Variants in TSHZ2 observed in about 807,000 individuals in gnomAD.
The protein encoded by TSHZ2 is teashirt homolog 2.
TSHZ2 carries 21 observed loss-of-function variants against 74.4 expected under a neutral mutation model. The ratio of observed to expected loss-of-function variants is 0.28; its 90% CI spans 0.20 to 0.41. The LOEUF (loss-of-function observed/expected upper bound fraction) is 0.41. Ranked by LOEUF, TSHZ2 falls within the 10% of genes least tolerant of loss-of-function variation. The pLI, the probability that TSHZ2 is intolerant of heterozygous loss-of-function variation, is 1.00. For synonymous variants in TSHZ2, 540 were observed against 515.3 expected (o/e 1.05, Z -0.65); for missense variants, 1,244 against 1,293.5 (o/e 0.96, Z 0.59).
chr20:53,116,377 G>A (rs979445209), intron 1 of TSHZ2, among the ~76,000 whole-genome samples: 3 of 152,142 alleles, frequency 2.0e-5, no homozygotes, highest in African/African-American at 4.8e-5. Context: ...TGTAAGAGAA[G>A]AATGTGATGG....
intron 1 of TSHZ2, among the ~76,000 whole-genome samples, chr20:53,220,111 A>T (rs139480167): frequency 6.6e-6 from 1 of 152,352 alleles, no homozygotes; most frequent in Non-Finnish European, 1.5e-5. Context: ...TTTCCTTACC[A>T]TGACCCTTCA....
chr20:53,093,637 T>TCCTC (rs1985953034), intron 1 of TSHZ2, among the ~76,000 whole-genome samples: 2 of 152,246 alleles, frequency 1.3e-5, no homozygotes, highest in Non-Finnish European at 2.9e-5. Context: ...TGTGTTTGCT[T>TCCTC]AGATGTTACT....
intron 1 of TSHZ2, among the ~76,000 whole-genome samples, chr20:53,250,488 T>C (rs1224410980): frequency 1.3e-5 from 2 of 152,170 alleles, no homozygotes; most frequent in Non-Finnish European, 2.9e-5. Flanking sequence ...AAAGGTGTTT[T>C]TTTAAAAAAA....
At chr20:53,099,786 A>G (rs1232220895) in intron 1 of TSHZ2, among the ~76,000 whole-genome samples, 1 of 152,208 alleles carries the variant, frequency 6.6e-6, no homozygotes, top group African/African-American at 2.4e-5. Context: ...AACTGCCCCC[A>G]TGATTCAATT....
At chr20:53,022,629 A>C (rs1015450560) in intron 1 of TSHZ2, among the ~76,000 whole-genome samples, 1 of 151,760 alleles carries the variant, frequency 6.6e-6, no homozygotes, top group African/African-American at 2.4e-5. Context: ...TATAATGTAA[A>C]TCTATCTGCA....
Position 53,255,019 on chromosome 20 carries a change from G to C in TSHZ2, c.1561G>C (p.Glu521Gln). Residue 521 changes from glutamate (E) to glutamine (Q), a missense_variant, in exon 2 of 3, where the codon GAA (glutamate) becomes CAA (glutamine). Glu to Gln is a conservative substitution (Grantham distance 29, BLOSUM62 2). Coordinates refer to ENST00000371497, the MANE Select transcript of TSHZ2 (RefSeq NM_173485.6). This position sits in a 1 kb window ranked among gnomAD's most constrained non-coding sequence, Gnocchi z 4.1. ...TGGAGGGGACATTTTGAAATCTTTG[G>C]AAAATACTGTCACCACAGCCATCAA... ...KGGGDILKSL[E>Q]NTVTTAINKA... The C allele has an allele frequency of 6.2e-7, 1 of 1,614,124 alleles. No homozygotes were observed. Among genetic ancestry groups the C allele is most frequent in the South Asian group, 1.1e-5 (1 of 91,076 alleles).
intron 2 of TSHZ2, among the ~76,000 whole-genome samples, chr20:53,460,564 C>T (rs532120934): frequency 1.1e-4 from 16 of 152,340 alleles, no homozygotes; most frequent in African/African-American, 2.9e-4. Flanking sequence ...AGTCATTCTC[C>T]GTCCAGCTTT....
At chr20:53,158,199 G>A (rs1987842548) in intron 1 of TSHZ2, among the ~76,000 whole-genome samples, 1 of 152,202 alleles carries the variant, frequency 6.6e-6, no homozygotes, top group Non-Finnish European at 1.5e-5. Flanking sequence ...CGGATGTCTG[G>A]AGCCGAATGA....
chr20:53,384,544 C>T (rs1042857662), intron 2 of TSHZ2, among the ~76,000 whole-genome samples: 13 of 152,176 alleles, frequency 8.5e-5, no homozygotes, highest in Non-Finnish European at 1.8e-4. Flanking sequence ...ACTGTCCTGA[C>T]GTCTAGTCCC....
rs1328198808 is a variant in TSHZ2, at chr20:53,488,931, C to G, written c.*1796C>G. On this transcript the variant is annotated 3_prime_UTR_variant, in exon 3 of 3. Coordinates refer to ENST00000371497, the MANE Select transcript of TSHZ2 (RefSeq NM_173485.6). The stretch of plus-strand genomic sequence containing the variant: ...TTGCTTTTTTTATGGCATGCATAAC[C>G]TAGATGGGAAAAAATATGGCGCTTC... The G allele has an allele frequency of 2.2e-6, 1 of 454,292 alleles. No individual in the cohort carries two copies. Among genetic ancestry groups the G allele is most frequent in the African/African-American group, 2.0e-5 (1 of 49,868 alleles). 28.1% of individuals were successfully genotyped at this position (454,292 alleles called of 1,614,324 possible).
At chr20:53,124,615 A>C (rs1425879712) in intron 1 of TSHZ2, among the ~76,000 whole-genome samples, 3 of 152,228 alleles carry the variant, frequency 2.0e-5, no homozygotes, top group African/African-American at 4.8e-5. Context: ...TTATAGACTC[A>C]AGTTATAACA....
Position 53,489,454 on chromosome 20 carries a change from G to T in TSHZ2, c.*2319G>T. 3.2e-6 allele frequency: 1 copy of T among 310,566 alleles called. No homozygotes were observed. The highest frequency in any genetic ancestry group is 6.3e-6 in the Non-Finnish European group (1 of 158,392). The allele number at this position is 310,566 out of a possible 1,614,324, so 19.2% of individuals were successfully genotyped here. A position where few individuals can be genotyped will look rare whatever the true frequency, so the allele number is the denominator to read the frequency against. ...TTCTCGTAGCTGTTAAAAATTGTCT[G>T]CTCCAATCCAGGGTTATTAGGCCAA... On this transcript the variant is annotated 3_prime_UTR_variant, in exon 3 of 3. Transcript: ENST00000371497.
At chr20:53,050,151 A>G (rs1245924994) in intron 1 of TSHZ2, among the ~76,000 whole-genome samples, 8 of 95,928 alleles carry the variant, frequency 8.3e-5, no homozygotes, top group African/African-American at 2.6e-4. Flanking sequence ...GTATATATAT[A>G]TACACATATA....
At chr20:53,009,587 G>A (rs755917049) in intron 1 of TSHZ2, among the ~76,000 whole-genome samples, 3 of 152,100 alleles carry the variant, frequency 2.0e-5, no homozygotes, top group Non-Finnish European at 2.9e-5. Context: ...TGAAACCACA[G>A]AAAGCAAAAC....
intron 2 of TSHZ2, among the ~76,000 whole-genome samples, chr20:53,303,371 A>C (rs1432917256): frequency 6.6e-6 from 1 of 152,208 alleles, no homozygotes; most frequent in Non-Finnish European, 1.5e-5. Flanking sequence ...CCCATCTTTT[A>C]AGTTTAAAAA....
intron 1 of TSHZ2, among the ~76,000 whole-genome samples, chr20:53,141,024 G>T (rs1031646424): frequency 6.6e-6 from 1 of 151,944 alleles, no homozygotes; most frequent in African/African-American, 2.4e-5. Flanking sequence ...ACATTATTTA[G>T]CACAGCATCT....
At chr20:53,386,633 C>T (rs916062740) in intron 2 of TSHZ2, among the ~76,000 whole-genome samples, 4 of 152,214 alleles carry the variant, frequency 2.6e-5, no homozygotes, top group African/African-American at 4.8e-5. Flanking sequence ...TTAGTATAAA[C>T]GAATGCCCCG....
intron 1 of TSHZ2, among the ~76,000 whole-genome samples, chr20:53,008,181 T>C (rs889068634): frequency 2.0e-5 from 3 of 152,148 alleles, no homozygotes; most frequent in African/African-American, 7.2e-5. Flanking sequence ...GTGTGTTTAG[T>C]CTTTATGAAG....
intron 1 of TSHZ2, among the ~76,000 whole-genome samples, chr20:53,030,401 A>C (rs1247861885): frequency 6.6e-6 from 1 of 151,976 alleles, no homozygotes; most frequent in Admixed American, 6.6e-5. Context: ...CAGGAAATTC[A>C]CAGTTTCATC....
Sources: gnomAD v4.1 joint callset for allele counts (sites outside exome capture counted in the v4.1 genomes callset) on GRCh38, gnomAD v4.1.1 for gene constraint, Gnocchi (gnomAD v3.1) non-coding constraint, MANE v1.5 for transcripts, NCBI Gene and HGNC (gene_info 2026-07-23, HGNC 2026-07-21) for gene names.